IL7: variants seen among roughly 807,000 people sequenced by gnomAD.
IL7 encodes interleukin 7, also known as interleukin-7.
In IL7, 3 loss-of-function variants were observed where a neutral mutation model predicts 21.6. That is an observed-to-expected ratio of 0.14 (90% CI 0.06 to 0.36). The LOEUF (loss-of-function observed/expected upper bound fraction) is 0.36, where lower values mean the gene tolerates loss of function less well. Ranked by LOEUF, IL7 falls within the 10% of genes least tolerant of loss-of-function variation. The pLI is 1.00. For missense variants in IL7, 175 were observed against 200.2 expected (o/e 0.87, Z 0.76); for synonymous variants, 62 against 68.1 (o/e 0.91, Z 0.44).
intron 3 of IL7, among the ~76,000 whole-genome samples, chr8:78,695,642 C>G (rs970261514): frequency 3.9e-5 from 6 of 152,096 alleles, no homozygotes; most frequent in African/African-American, 1.4e-4. Flanking sequence ...TTTCTAATGT[C>G]TGTCTTTCTC....
chr8:78,750,779 G>A (rs191263884), intron 2 of IL7, among the ~76,000 whole-genome samples: 9 of 152,198 alleles, frequency 5.9e-5, no homozygotes, highest in South Asian at 4.1e-4. Flanking sequence ...AGCCGAGATC[G>A]TGCCACTGCA....
intron 6 of IL7, chr8:78,718,850 A>G (rs1053914383): frequency 6.6e-6 from 1 of 151,550 alleles, no homozygotes; most frequent in Non-Finnish European, 1.5e-5. Context: ...GTACAAACAA[A>G]TCTCTTATAT....
At chr8:78,713,965 A>G (rs1811022297), downstream of IL7, among the ~76,000 whole-genome samples, 2 of 152,172 alleles carry the variant, frequency 1.3e-5, no homozygotes, top group African/African-American at 4.8e-5. Context: ...TATTACCTGC[A>G]TGTACTTTGG....
At chr8:78,712,766 T>G (rs1001163412) in intron 3 of IL7, among the ~76,000 whole-genome samples, 2 of 152,180 alleles carry the variant, frequency 1.3e-5, no homozygotes, top group African/African-American at 4.8e-5. Context: ...GGGTCTCAAT[T>G]CTAGCCCACA....
intron 4 of IL7, chr8:78,678,629 CAGAG>C (rs1196962245): frequency 6.2e-7 from 1 of 1,612,686 alleles, no homozygotes; most frequent in Admixed American, 1.7e-5. Flanking sequence ...TTCAAGCAGA[CAGAG>C]AGCTGAAGGA....
downstream of IL7, among the ~76,000 whole-genome samples, chr8:78,728,234 T>G (rs1586045864): frequency 6.6e-6 from 1 of 152,020 alleles, no homozygotes; most frequent in African/African-American, 2.4e-5. Flanking sequence ...TTGCAATCTC[T>G]GTTGATATTC....
chr8:78,746,881 T>G, intron 2 of IL7: 1 of 355,220 alleles, frequency 2.8e-6, no homozygotes, highest in Middle Eastern at 6.6e-4. Context: ...ATGAAACAGC[T>G]GTTCATTCTT....
chr8:78,693,474 G>A (rs1359159510), intron 3 of IL7, among the ~76,000 whole-genome samples: 1 of 152,170 alleles, frequency 6.6e-6, no homozygotes, highest in Non-Finnish European at 1.5e-5. Context: ...GCATTTCTCT[G>A]ATGGCCAGTA....
rs150128748 is a variant in IL7, at chr8:78,677,132, G to A, written n.274-1028C>T. On this transcript the variant is annotated intron_variant and non_coding_transcript_variant, in intron 4 of 4. Coordinates refer to the IL7 transcript ENST00000523959. ...AGACACGAAATAATCCAGTTTTGAG[G>A]TTTTATTTTTTCCCAAAGTTTGACA... Among the ~76,000 whole-genome samples the A allele has an allele frequency of 3.5e-3, 533 of 152,122 alleles. 4 individuals are homozygous for A. The highest frequency in any genetic ancestry group is 0.01 in the African/African-American group (425 of 41,512).
chr8:78,706,289 C>T (rs1810768824), intron 3 of IL7, among the ~76,000 whole-genome samples: 1 of 152,100 alleles, frequency 6.6e-6, no homozygotes, highest in South Asian at 2.1e-4. Context: ...CTTGATTCAG[C>T]CTTTTTTCCT....
rs35861337 is a variant in IL7 at position 78,687,770 on chromosome 8, TTA to T, written n.215-1825_215-1824del. Reference sequence around the variant, plus strand: ...ACATTATATATATTTACGTAAGACATTATATATATATTTACGTAATACATTAT... The same window carrying T: ...ACATTATATATATTTACGTAAGACATTATATATATTTACGTAATACATTAT... On this transcript the variant is annotated intron_variant and non_coding_transcript_variant, in intron 3 of 4. Coordinates refer to the IL7 transcript ENST00000523959. Among the ~76,000 whole-genome samples the T allele has an allele frequency of 2.5e-3, 64 of 25,862 alleles. 11 individuals are homozygous for T. Among genetic ancestry groups the T allele is most frequent in the African/African-American group, 5.9e-3 (44 of 7,512 alleles). 17.0% of individuals were successfully genotyped at this position (25,862 alleles called of 152,430 possible). A position where few individuals can be genotyped will look rare whatever the true frequency, so the allele number is the denominator to read the frequency against.
At chr8:78,764,241 T>A (rs1365362120) in intron 2 of IL7, among the ~76,000 whole-genome samples, 1 of 152,066 alleles carries the variant, frequency 6.6e-6, no homozygotes, top group East Asian at 1.9e-4. Flanking sequence ...AATATCATAC[T>A]TAATAATAAG....
chr8:78,748,246 A>G (rs1445167478), intron 2 of IL7, among the ~76,000 whole-genome samples: 1 of 152,238 alleles, frequency 6.6e-6, no homozygotes, highest in Non-Finnish European at 1.5e-5. Context: ...TTCAATGGTC[A>G]TATTAACAGC....
At chr8:78,781,851 AC>A (rs1463896804) in intron 2 of IL7, among the ~76,000 whole-genome samples, 3 of 151,988 alleles carry the variant, frequency 2.0e-5, no homozygotes, top group Non-Finnish European at 2.9e-5. Context: ...TCTTTCACGT[AC>A]CCCAATCAGG....
intron 2 of IL7, among the ~76,000 whole-genome samples, chr8:78,795,291 G>C (rs952520407): frequency 1.3e-5 from 2 of 152,024 alleles, no homozygotes; most frequent in East Asian, 1.9e-4. Flanking sequence ...TGCTCTACCA[G>C]TCATGTTGAC....
intron 3 of IL7, among the ~76,000 whole-genome samples, chr8:78,706,577 G>A (rs1018087210): frequency 5.3e-5 from 8 of 151,998 alleles, no homozygotes; most frequent in African/African-American, 1.9e-4. Flanking sequence ...GCTCTGTGTC[G>A]CTCCAAGGTG....
exon 5 of IL7, chr8:78,675,942 G>A (rs1010994257): frequency 4.0e-6 from 5 of 1,249,076 alleles, no homozygotes; most frequent in African/African-American, 3.0e-5. Context: ...CTCATGGGAA[G>A]AATTTACGTG....
intron 2 of IL7, among the ~76,000 whole-genome samples, chr8:78,783,341 G>C (rs372933345): frequency 6.6e-6 from 1 of 152,184 alleles, no homozygotes; most frequent in Non-Finnish European, 1.5e-5. Context: ...CCTTGGCTGG[G>C]GATGGGAGTC....
In IL7 at chr8:78,750,404, G is replaced by GA. The variant is rs112594408; in HGVS notation, c.148-10323dup. ...TACTCAGAACATTATAATCAGCTAT[G>GA]AAAAAAAAAATTACAAGGCATACTA... On this transcript the variant is annotated intron_variant, in intron 2 of 5. Transcript: ENST00000263851. Among the ~76,000 whole-genome samples the GA allele has an allele frequency of 8.6e-4, 128 of 149,588 alleles. 1 individual carries two copies. The South Asian group carries it at 0.014, about 16-fold the overall frequency.
Sources: gnomAD v4.1 joint callset for allele counts (sites outside exome capture counted in the v4.1 genomes callset) on GRCh38, gnomAD v4.1.1 for gene constraint, MANE v1.5 for transcripts, NCBI Gene and HGNC (gene_info 2026-07-23, HGNC 2026-07-21) for gene names.